The following NOL10 variants were observed in gnomAD, a reference collection of about 807,000 sequenced individuals.
The protein encoded by NOL10 is nucleolar protein 10, also known as H_NH0074G24.1.
Under a neutral mutation model 103.5 loss-of-function variants are expected in NOL10, and 58 were observed. The observed-to-expected ratio is 0.56, with a 90% confidence interval of 0.45 to 0.70. NOL10 has a LOEUF of 0.70. NOL10 is among the 30% of genes least tolerant of loss of function. NOL10 has a pLI of 0.00. For missense variants in NOL10, 763 were observed against 807.3 expected, an observed-to-expected ratio of 0.95 and a Z score of 0.67; for synonymous variants, 287 against 282.5, an observed-to-expected ratio of 1.02 and a Z score of -0.16.
chr2:10,589,568 A>G lies in NOL10; in HGVS notation c.1596+10T>C. ...CAGTAGCAAATTCTAACTGATAAGG[A>G]GTACATTACTTTTTCACGAAGTTCT... On this transcript the variant is annotated intron_variant, in intron 18 of 20. Transcript: ENST00000381685. 1 of 1,540,942 alleles carries G rather than the reference A, an allele frequency of 6.5e-7. No individual in the cohort carries two copies. Among genetic ancestry groups the G allele is most frequent in the Non-Finnish European group, 8.7e-7 (1 of 1,146,866 alleles).
At chr2:10,630,392 T>C (rs1036749434) in intron 13 of NOL10, among the ~76,000 whole-genome samples, 1 of 152,212 alleles carries the variant, frequency 6.6e-6, no homozygotes, top group Non-Finnish European at 1.5e-5. Flanking sequence ...TAGATCCAGC[T>C]GTCACCAACT....
intron 13 of NOL10, among the ~76,000 whole-genome samples, chr2:10,607,980 A>G (rs1467143619): frequency 6.6e-6 from 1 of 152,046 alleles, no homozygotes; most frequent in East Asian, 1.9e-4. Flanking sequence ...ATTCTAGACT[A>G]TAGTTAATGG....
At chr2:10,605,271 A>G (rs1032445209) in intron 14 of NOL10, among the ~76,000 whole-genome samples, 1 of 152,240 alleles carries the variant, frequency 6.6e-6, no homozygotes, top group Non-Finnish European at 1.5e-5. Flanking sequence ...ACTGTGGGAA[A>G]TACCAAGCTA....
chr2:10,646,577 G>A lies in NOL10; in HGVS notation c.974-2205C>T, dbSNP rs577180273. 7.0e-4 allele frequency among the ~76,000 whole-genome samples: 106 copies of A among 152,304 alleles called. 1 individual carries two copies. Among genetic ancestry groups the A allele is most frequent in the African/African-American group, 2.5e-3 (102 of 41,568 alleles). ...ACATCATAGAGCCCAAAGAGTATGA[G>A]CAGCTTCTAACAGGCAGAAACAGAA... On this transcript the variant is annotated intron_variant, in intron 12 of 20. Coordinates refer to ENST00000381685, the MANE Select transcript of NOL10 (RefSeq NM_024894.4).
chr2:10,614,257 G>A (rs1676720716), intron 13 of NOL10, among the ~76,000 whole-genome samples: 2 of 152,028 alleles, frequency 1.3e-5, no homozygotes, highest in South Asian at 4.1e-4. Context: ...AGAGTGCCCA[G>A]CCCGCTATTA....
intron 9 of NOL10, 21 bp downstream of exon 9, chr2:10,662,938 T>C (rs765119333): frequency 1.9e-6 from 3 of 1,570,048 alleles, no homozygotes; most frequent in South Asian, 1.1e-5. Context: ...ACATTTACAT[T>C]GCAAATTAAT....
chr2:10,641,723 C>T (rs1678709268), intron 13 of NOL10, among the ~76,000 whole-genome samples: 1 of 152,198 alleles, frequency 6.6e-6, no homozygotes. Flanking sequence ...CCACACTCAT[C>T]AATTTCAAGT....
At chr2:10,607,363 A>C (rs1676315236) in intron 13 of NOL10, 52 bp from the exon 14 acceptor site, 1 of 1,542,710 alleles carries the variant, frequency 6.5e-7, no homozygotes, top group Non-Finnish European at 8.7e-7. Context: ...CACGCCATCC[A>C]AGTCTCAGTT....
At chr2:10,582,893 C>T (rs1330269092) in intron 19 of NOL10, among the ~76,000 whole-genome samples, 2 of 152,250 alleles carry the variant, frequency 1.3e-5, no homozygotes, top group African/African-American at 4.8e-5. Context: ...CTTTCTTTCA[C>T]TACCAAACTT....
intron 3 of NOL10, among the ~76,000 whole-genome samples, chr2:10,679,543 T>A (rs1173807400): frequency 6.6e-6 from 1 of 152,142 alleles, no homozygotes; most frequent in Non-Finnish European, 1.5e-5. Context: ...CTACCATGTT[T>A]CACATTCTTT....
intron 19 of NOL10, among the ~76,000 whole-genome samples, chr2:10,587,631 G>A (rs555674983): frequency 6.6e-6 from 1 of 151,988 alleles, no homozygotes; most frequent in East Asian, 1.9e-4. Context: ...TTGTTCAAGG[G>A]TCAACTCTAC....
chr2:10,677,867 G>GTA (rs1244843163), intron 3 of NOL10, among the ~76,000 whole-genome samples: 10 of 142,420 alleles, frequency 7.0e-5, no homozygotes, highest in Non-Finnish European at 9.1e-5. Flanking sequence ...GTGTGTGTGT[G>GTA]TGTGTATACA....
intron 3 of NOL10, 128 bp from the exon 4 acceptor site, chr2:10,675,999 T>G (rs1681281881): frequency 6.3e-6 from 3 of 474,902 alleles, no homozygotes; most frequent in Non-Finnish European, 1.1e-5. Context: ...AAGAAAGGAA[T>G]GTAAAAGCAG....
chr2:10,659,110 G>A (rs1680019105), intron 10 of NOL10, 62 bp downstream of exon 10: 1 of 1,086,864 alleles, frequency 9.2e-7, no homozygotes, highest in Admixed American at 2.0e-5. Context: ...TATTTCTCAT[G>A]ACACATACAC....
chr2:10,620,519 A>G lies in NOL10; in HGVS notation c.1027-13208T>C, dbSNP rs183764507. On this transcript the variant is annotated intron_variant, in intron 13 of 20. Coordinates refer to ENST00000381685, the MANE Select transcript of NOL10 (RefSeq NM_024894.4). ...AGAACGTATTTTAAATTCATACAAAATAAGATTTCCCATATGTTCCCCCAA... is the reference window on the plus strand; with the variant it reads ...AGAACGTATTTTAAATTCATACAAAGTAAGATTTCCCATATGTTCCCCCAA... Among the ~76,000 whole-genome samples, 173 of 152,348 alleles carry G rather than the reference A, an allele frequency of 1.1e-3. 1 individual carries two copies. Among genetic ancestry groups the G allele is most frequent in the Middle Eastern group, 6.8e-3 (2 of 294 alleles).
At chr2:10,594,153 C>T (rs941517441) in intron 17 of NOL10, among the ~76,000 whole-genome samples, 1 of 66,372 alleles carries the variant, frequency 1.5e-5, no homozygotes, top group Non-Finnish European at 4.1e-5. Context: ...CAGCACAGTA[C>T]AGTCGCTTCG....
chr2:10,686,247 A>G (rs1035618449), intron 1 of NOL10, among the ~76,000 whole-genome samples: 2 of 152,220 alleles, frequency 1.3e-5, no homozygotes, highest in African/African-American at 4.8e-5. Context: ...AATAAGGTTA[A>G]GGTCCTCTTG....
rs1241444273 is a variant in NOL10 at position 10,587,120 on chromosome 2, CAT to C, written c.1844+1921_1844+1922del. On this transcript the variant is annotated intron_variant, in intron 19 of 20. Coordinates refer to ENST00000381685, the MANE Select transcript of NOL10 (RefSeq NM_024894.4). ...ATACACATATATATACATATATATACATATATATACATATATACACATATATA... is the reference window on the plus strand; with the variant it reads ...ATACACATATATATACATATATATACATATATACATATATACACATATATA... 1.4e-3 allele frequency among the ~76,000 whole-genome samples: 63 copies of C among 45,216 alleles called. 12 individuals carry two copies. The highest frequency in any genetic ancestry group is 0.013 in the East Asian group (22 of 1,726). The allele number at this position is 45,216 out of a possible 152,430, so 29.7% of individuals were successfully genotyped here.
At chr2:10,597,718 C>T (rs1212176352) in intron 17 of NOL10, among the ~76,000 whole-genome samples, 9 of 152,176 alleles carry the variant, frequency 5.9e-5, no homozygotes, top group African/African-American at 2.2e-4. Context: ...ATTAGGGGCA[C>T]ATTTTACAAA....
Sources: allele counts gnomAD v4.1 joint callset (sites outside exome capture counted in the v4.1 genomes callset), GRCh38; gene constraint gnomAD v4.1.1; transcripts MANE v1.5; gene names NCBI Gene and HGNC (gene_info 2026-07-23, HGNC 2026-07-21).